PDCD6: variants seen among roughly 807,000 people sequenced by gnomAD.
The protein encoded by PDCD6 is programmed cell death 6.
PDCD6 carries 12 observed loss-of-function variants against 28.3 expected under a neutral mutation model. The observed-to-expected ratio is 0.42, with a 90% CI of 0.27 to 0.69. The LOEUF is 0.69. Ranked by LOEUF, PDCD6 falls within the 30% of genes least tolerant of loss-of-function variation. PDCD6 has a pLI of 0.22. For synonymous variants in PDCD6, 92 were observed against 108.0 expected, an observed-to-expected ratio of 0.85 and a Z score of 0.92; for missense variants, 226 against 269.9, an observed-to-expected ratio of 0.84 and a Z score of 1.14.
rs548201855 is a variant in PDCD6, at chr5:277,747, C to T, written c.163+4975C>T. ...GGGGGCCAACATGGTGAAACCCTAT[C>T]TCTACTAAAAATACAAAATTAGCCG... On this transcript the variant is annotated intron_variant, in intron 2 of 5. Coordinates refer to ENST00000264933, the MANE Select transcript of PDCD6 (RefSeq NM_013232.4). Among the ~76,000 whole-genome samples the T allele has an allele frequency of 2.0e-4, 30 of 152,020 alleles. No individual in the cohort carries two copies. In the South Asian group the frequency reaches 6.0e-3, roughly 31 times the overall value.
chr5:293,234 A>G (rs549673769), intron 2 of PDCD6, among the ~76,000 whole-genome samples: 39 of 152,348 alleles, frequency 2.6e-4, no homozygotes, highest in African/African-American at 9.1e-4. Flanking sequence ...AGACCTGATC[A>G]AGAAGACGGG....
intron 2 of PDCD6, among the ~76,000 whole-genome samples, chr5:295,713 G>A (rs1739570630): frequency 6.8e-6 from 1 of 146,312 alleles, no homozygotes; most frequent in Non-Finnish European, 1.5e-5. Context: ...CTCAGGGCCC[G>A]GGGCCTGCTG....
intron 2 of PDCD6, among the ~76,000 whole-genome samples, chr5:291,369 C>T (rs1350632766): frequency 6.6e-6 from 1 of 152,174 alleles, no homozygotes; most frequent in Non-Finnish European, 1.5e-5. Context: ...GTCCTCCATT[C>T]TCTCCCTGAG....
chr5:298,330 G>A (rs545161340), intron 2 of PDCD6, among the ~76,000 whole-genome samples: 71 of 152,026 alleles, frequency 4.7e-4, no homozygotes, highest in African/African-American at 1.5e-3. Context: ...ACGGTACCAG[G>A]ACCACCCGAG....
intron 2 of PDCD6, 113 bp from the exon 3 acceptor site, chr5:304,064 C>G: frequency 6.7e-6 from 10 of 1,497,756 alleles, no homozygotes; most frequent in Non-Finnish European, 9.0e-6. Flanking sequence ...TCTAGAAAAC[C>G]ACTACCTTAG....
chr5:299,673 C>A (rs1488883146), intron 2 of PDCD6, among the ~76,000 whole-genome samples: 1 of 152,044 alleles, frequency 6.6e-6, no homozygotes, highest in Admixed American at 6.5e-5. Context: ...CCTCAGCCCC[C>A]CGAGTAGCTG....
chr5:275,017 G>A (rs538453968), intron 2 of PDCD6, among the ~76,000 whole-genome samples: 2 of 151,646 alleles, frequency 1.3e-5, no homozygotes, highest in South Asian at 2.1e-4. Context: ...TCCCAATGGA[G>A]TCACTTTTCT....
intron 2 of PDCD6, among the ~76,000 whole-genome samples, chr5:294,837 CAG>C (rs762660404): frequency 1.7e-4 from 26 of 152,206 alleles, no homozygotes; most frequent in African/African-American, 2.9e-4. Context: ...TGCTTCCACA[CAG>C]GGGGCACCAA....
chr5:308,440 G>A (rs967842846), intron 4 of PDCD6: 6 of 152,210 alleles, frequency 3.9e-5, no homozygotes, highest in African/African-American at 7.2e-5. Context: ...TGCAGCGGCA[G>A]AACCCTTCCT....
chr5:292,113 C>T (rs1282496172), intron 2 of PDCD6, among the ~76,000 whole-genome samples: 2 of 152,134 alleles, frequency 1.3e-5, no homozygotes, highest in African/African-American at 4.8e-5. Flanking sequence ...GTGGGTGTCA[C>T]GTGATATCTC....
intron 2 of PDCD6, among the ~76,000 whole-genome samples, chr5:275,368 C>T (rs1201790723): frequency 2.6e-5 from 4 of 152,224 alleles, no homozygotes; most frequent in Admixed American, 6.5e-5. Flanking sequence ...ACACCTGCTG[C>T]GGGGCAGCCC....
chr5:288,447 CAGAA>C (rs1739118518), intron 2 of PDCD6, among the ~76,000 whole-genome samples: 1 of 151,230 alleles, frequency 6.6e-6, no homozygotes, highest in Non-Finnish European at 1.5e-5. Flanking sequence ...CTAGAGCTAT[CAGAA>C]AGAGACAAGA....
rs776781897 is a variant in PDCD6, at chr5:314,517, C to G, written c.*2C>G. On this transcript the variant is annotated 3_prime_UTR_variant, in exon 6 of 6. Transcript: ENST00000264933. ...TCCATGGTCTTCAGTATCGTATGAC[C>G]CTGGCCTCTCGTGAAGAGCAGCACA... is the stretch of plus-strand genomic sequence containing the variant. 1.2e-5 allele frequency: 20 copies of G among 1,605,034 alleles called. No homozygotes were observed. In the Admixed American group the frequency reaches 2.3e-4, roughly 19 times the overall value.
At position 271,676 on chromosome 5, in the gene PDCD6, C is replaced by G. The variant is rs764144232; in HGVS notation, c.-45C>G. On this transcript the variant is annotated 5_prime_UTR_variant, in exon 1 of 6. Coordinates refer to ENST00000264933, the MANE Select transcript of PDCD6 (RefSeq NM_013232.4). The stretch of plus-strand genomic sequence containing the variant: ...CGGAAGCGGAGTCGGCCTGAGAGGT[C>G]TCTCGTCGCTGCAGGCGCCTCAGCC... 7 of 1,165,754 alleles carry G rather than the reference C, an allele frequency of 6.0e-6. No homozygotes were observed. Among genetic ancestry groups the G allele is most frequent in the African/African-American group, 1.6e-5 (1 of 64,426 alleles). The allele number at this position is 1,165,754 out of a possible 1,614,324, so 72.2% of individuals were successfully genotyped here. A position where few individuals can be genotyped will look rare whatever the true frequency, so the allele number is the denominator to read the frequency against.
rs1184655773 is a variant in PDCD6 at position 272,238 on chromosome 5, G to T, written c.101+417G>T. On this transcript the variant is annotated intron_variant, in intron 1 of 5. Coordinates refer to ENST00000264933, the MANE Select transcript of PDCD6 (RefSeq NM_013232.4). ...TCTCCAGGGTGCTTGTTTGGGGAAAGCGGAAACAGACTGCCTGGGCGCTGT... is the reference window on the plus strand; with the variant it reads ...TCTCCAGGGTGCTTGTTTGGGGAAATCGGAAACAGACTGCCTGGGCGCTGT... Among the ~76,000 whole-genome samples the T allele has an allele frequency of 3.0e-5, 3 of 99,156 alleles. No individual in the cohort carries two copies. In the East Asian group the frequency reaches 6.2e-4, roughly 21 times the overall value. 65.1% of individuals were successfully genotyped at this position (99,156 alleles called of 152,430 possible).
intron 2 of PDCD6, among the ~76,000 whole-genome samples, chr5:302,058 TTGAG>T (rs1472280765): frequency 1.1e-5 from 1 of 92,436 alleles, no homozygotes; most frequent in Non-Finnish European, 2.4e-5. Context: ...GGGCGGATCA[TTGAG>T]TGCTGCTCTG....
At position 271,745 on chromosome 5, in the gene PDCD6, G is replaced by T. The variant is rs756273513; in HGVS notation, c.25G>T (p.Gly9Cys). The change falls in exon 1 of 6, where the codon GGC (glycine) becomes TGC (cysteine). Residue 9 changes from glycine (G) to cysteine (C), a missense_variant. Physicochemically the swap from Gly to Cys is radical, Grantham distance 159 (BLOSUM62 -3). Coordinates refer to ENST00000264933, the MANE Select transcript of PDCD6 (RefSeq NM_013232.4). Reference sequence around the variant, plus strand: ...CATGGCCGCCTACTCTTACCGCCCCGGCCCTGGGGCCGGCCCTGGGCCTGC... The same window carrying T: ...CATGGCCGCCTACTCTTACCGCCCCTGCCCTGGGGCCGGCCCTGGGCCTGC... MAAYSYRP[G>C]PGAGPGPAAG... is the part of the protein sequence containing the mutation. 6.8e-6 allele frequency: 8 copies of T among 1,177,554 alleles called. No homozygotes were observed. The highest frequency in any genetic ancestry group is 9.2e-6 in the Non-Finnish European group (8 of 872,436). The allele number at this position is 1,177,554 out of a possible 1,614,324, so 72.9% of individuals were successfully genotyped here. A position where few individuals can be genotyped will look rare whatever the true frequency, so the allele number is the denominator to read the frequency against.
chr5:305,549 C>G lies in PDCD6; in HGVS notation c.209-1053C>G, dbSNP rs376079990. 5 of 152,158 alleles carry G rather than the reference C, an allele frequency of 3.3e-5. No individual in the cohort carries two copies. The highest frequency in any genetic ancestry group is 5.9e-5 in the Non-Finnish European group (4 of 68,024). The allele number at this position is 152,158 out of a possible 1,614,324, so 9.4% of individuals were successfully genotyped here. A position where few individuals can be genotyped will look rare whatever the true frequency, so the allele number is the denominator to read the frequency against. ...GATACATGGGGAGCTACCTCCCCAC[C>G]GGAGAGGAATGGCCTGGGAGCCACT... On this transcript the variant is annotated intron_variant, in intron 3 of 5. Transcript: ENST00000264933. This position sits in a 1 kb window ranked among gnomAD's most constrained non-coding sequence, Gnocchi z 4.0.
intron 2 of PDCD6, among the ~76,000 whole-genome samples, chr5:288,292 T>TAA (rs56208909): frequency 0.19 from 19,904 of 106,928 alleles, 2,852 homozygotes; most frequent in African/African-American, 0.4. Flanking sequence ...AATATATATA[T>TAA]TATATATATA....
Sources: gnomAD v4.1 joint callset for allele counts (sites outside exome capture counted in the v4.1 genomes callset) on GRCh38, gnomAD v4.1.1 for gene constraint, Gnocchi (gnomAD v3.1) non-coding constraint, MANE v1.5 for transcripts, NCBI Gene and HGNC (gene_info 2026-07-23, HGNC 2026-07-21) for gene names.